The following DGKI variants were observed in gnomAD, a reference collection of about 807,000 sequenced individuals.
DGKI encodes DAG kinase iota.
Under a neutral mutation model 147.5 loss-of-function variants are expected in DGKI, and 55 were observed. The observed-to-expected ratio is 0.37, with a 90% confidence interval of 0.30 to 0.47. The LOEUF is 0.47. Ranked by LOEUF, DGKI falls within the 20% of genes least tolerant of loss-of-function variation. The pLI is 1.00. For missense variants in DGKI, 1,007 were observed against 1,323.8 expected, an observed-to-expected ratio of 0.76 and a Z score of 3.71; for synonymous variants, 469 against 477.1, an observed-to-expected ratio of 0.98 and a Z score of 0.22.
intron 1 of DGKI, among the ~76,000 whole-genome samples, chr7:137,742,081 C>A (rs776178803): frequency 6.6e-6 from 1 of 152,308 alleles, no homozygotes; most frequent in Non-Finnish European, 1.5e-5. Context: ...TCTTTAATAA[C>A]GATCTCCCAT....
chr7:137,523,898 T>A (rs1817051830), intron 20 of DGKI, among the ~76,000 whole-genome samples: 1 of 146,430 alleles, frequency 6.8e-6, no homozygotes, highest in Admixed American at 6.7e-5. Flanking sequence ...ACATAGCCAC[T>A]AAGTAGCAGT....
At chr7:137,672,087 C>T (rs1265903820) in intron 3 of DGKI, among the ~76,000 whole-genome samples, 1 of 152,238 alleles carries the variant, frequency 6.6e-6, no homozygotes, top group Admixed American at 6.5e-5. Flanking sequence ...CAGCTCCCAG[C>T]TTCTGACACC....
intron 17 of DGKI, among the ~76,000 whole-genome samples, chr7:137,576,189 C>T (rs2128978314): frequency 6.6e-6 from 1 of 152,008 alleles, no homozygotes; most frequent in African/African-American, 2.4e-5. Context: ...AGGCACATGC[C>T]ACCACGCCTG....
intron 20 of DGKI, 92 bp from the exon 21 acceptor site, chr7:137,522,058 A>C: frequency 1.2e-6 from 1 of 867,780 alleles, no homozygotes; most frequent in South Asian, 1.6e-5. Flanking sequence ...TTGTCTCTTC[A>C]TGTTTAGAAG....
rs117177058 is a variant in DGKI at position 137,677,829 on chromosome 7, C to T, written c.606+728G>A. On this transcript the variant is annotated intron_variant, in intron 3 of 32. Coordinates refer to ENST00000614521, the MANE Select transcript of DGKI (RefSeq NM_001321708.2). ...CTTTACTATCCTAAGCTTCCCATTA[C>T]TGTCTGTTTGGACCAATCATTTAAA... Among the ~76,000 whole-genome samples, 1,049 of 152,268 alleles carry T rather than the reference C, an allele frequency of 6.9e-3. 3 individuals are homozygous for T. Among genetic ancestry groups the T allele is most frequent in the Middle Eastern group, 0.017 (5 of 294 alleles).
chr7:137,548,026 G>A (rs972836370), intron 20 of DGKI, among the ~76,000 whole-genome samples: 5 of 152,104 alleles, frequency 3.3e-5, no homozygotes, highest in African/African-American at 1.2e-4. Context: ...AATGAAGAAG[G>A]GAGTGATCAA....
At chr7:137,718,964 C>T (rs1308472945) in intron 1 of DGKI, among the ~76,000 whole-genome samples, 1 of 152,076 alleles carries the variant, frequency 6.6e-6, no homozygotes, top group African/African-American at 2.4e-5. Context: ...TTCACGCCAT[C>T]GATATTTTGG....
chr7:137,820,454 G>C lies in DGKI; in HGVS notation c.401+26008C>G, dbSNP rs571411408. ...AGATGAAAATGGCTGTGAGAGCCCT[G>C]CACCTTGCAGAAGCAGAGAAGCGCA... On this transcript the variant is annotated intron_variant, in intron 1 of 32. Coordinates refer to ENST00000614521, the MANE Select transcript of DGKI (RefSeq NM_001321708.2). Among the ~76,000 whole-genome samples, 29 of 152,342 alleles carry C rather than the reference G, an allele frequency of 1.9e-4. 1 individual carries two copies. In the South Asian group the frequency reaches 6.0e-3, roughly 32 times the overall value.
At chr7:137,480,636 C>T (rs180868464) in intron 23 of DGKI, among the ~76,000 whole-genome samples, 1 of 152,002 alleles carries the variant, frequency 6.6e-6, no homozygotes, top group East Asian at 1.9e-4. Context: ...ATCTGTACCA[C>T]CCTGAAGAAT....
chr7:137,631,868 T>C (rs1202799189), intron 6 of DGKI, among the ~76,000 whole-genome samples: 1 of 152,148 alleles, frequency 6.6e-6, no homozygotes, highest in Non-Finnish European at 1.5e-5. Context: ...ATCAGCTGAC[T>C]ATGATCTGCC....
At chr7:137,752,809 C>G (rs1292424197) in intron 1 of DGKI, among the ~76,000 whole-genome samples, 2 of 152,134 alleles carry the variant, frequency 1.3e-5, no homozygotes. Context: ...TGCCGAAGCT[C>G]CCGGCCGAAT....
In DGKI at chr7:137,394,994, T is replaced by C. The variant is rs537187378; in HGVS notation, c.3057+604A>G. ...TAGCTCCTATACCTATAAATGACAG[T>C]AATTCCCATGCTATCTAGTACCTGA... On this transcript the variant is annotated intron_variant, in intron 32 of 32. Coordinates refer to ENST00000614521, the MANE Select transcript of DGKI (RefSeq NM_001321708.2). Among the ~76,000 whole-genome samples, 3 of 152,302 alleles carry C rather than the reference T, an allele frequency of 2.0e-5. No homozygotes were observed. In the South Asian group the frequency reaches 6.2e-4, roughly 32 times the overall value.
rs62490506 is a variant in DGKI at position 137,688,235 on chromosome 7, G to C, written c.510+1659C>G. Among the ~76,000 whole-genome samples, 800 of 152,178 alleles carry C rather than the reference G, an allele frequency of 5.3e-3. 4 individuals are homozygous for C. Among genetic ancestry groups the C allele is most frequent in the Non-Finnish European group, 8.7e-3 (590 of 68,018 alleles). ...TCTAAGACCCTTGAAGGCAGAAACC[G>C]TATCTTCTTCACCTCAGAATCCCAA... is the stretch of plus-strand genomic sequence containing the variant. On this transcript the variant is annotated intron_variant, in intron 2 of 32. Coordinates refer to ENST00000614521, the MANE Select transcript of DGKI (RefSeq NM_001321708.2).
At chr7:137,810,879 C>A (rs1272377150) in intron 1 of DGKI, among the ~76,000 whole-genome samples, 2 of 152,128 alleles carry the variant, frequency 1.3e-5, no homozygotes, top group Non-Finnish European at 2.9e-5. Flanking sequence ...AGGAAGTACA[C>A]CTACCATGCG....
chr7:137,682,595 C>T (rs564164326), intron 2 of DGKI, among the ~76,000 whole-genome samples: 3 of 152,338 alleles, frequency 2.0e-5, no homozygotes, highest in South Asian at 2.1e-4. Context: ...GCATTAACTA[C>T]GTTTCTCTCC....
chr7:137,668,732 G>C (rs1385450523), intron 3 of DGKI, among the ~76,000 whole-genome samples: 1 of 152,182 alleles, frequency 6.6e-6, no homozygotes, highest in Non-Finnish European at 1.5e-5. Context: ...TTGACAGAAT[G>C]GTGAAGGAGC....
chr7:137,588,622 G>A (rs549409612), intron 12 of DGKI, among the ~76,000 whole-genome samples: 30 of 152,100 alleles, frequency 2.0e-4, no homozygotes, highest in Middle Eastern at 3.4e-3. Flanking sequence ...GACTACAGGC[G>A]TATGCCACCA....
chr7:137,517,281 A>G (rs866120774), intron 21 of DGKI, among the ~76,000 whole-genome samples: 109 of 70,662 alleles, frequency 1.5e-3, no homozygotes, highest in African/African-American at 4.3e-3. Context: ...AGAAAAGAAA[A>G]AGAAAGAAAG....
chr7:137,585,841 C>T (rs74936971), intron 13 of DGKI, among the ~76,000 whole-genome samples: 2 of 152,254 alleles, frequency 1.3e-5, no homozygotes, highest in East Asian at 3.9e-4. Context: ...AAGCAAGTCT[C>T]ACTGAGGAAT....
Sources: gnomAD v4.1 joint callset for allele counts (sites outside exome capture counted in the v4.1 genomes callset) on GRCh38, gnomAD v4.1.1 for gene constraint, MANE v1.5 for transcripts, NCBI Gene and HGNC (gene_info 2026-07-23, HGNC 2026-07-21) for gene names.